GCFC2: variants seen among roughly 807,000 people sequenced by gnomAD.
GCFC2 encodes the protein GC-rich sequence DNA-binding factor 2.
Under a neutral mutation model 99.4 loss-of-function variants are expected in GCFC2, and 102 were observed. That is an observed-to-expected ratio of 1.03 (90% confidence interval 0.87 to 1.21). GCFC2 has a LOEUF of 1.21. Among genes scored for constraint, GCFC2 ranks in the 50% most tolerant of loss-of-function variants. The probability of loss-of-function intolerance (pLI) is 0.00; values close to 1 mark genes in which losing one functional copy is unlikely to be tolerated. For synonymous variants in GCFC2, 338 were observed against 316.8 expected (o/e 1.07, Z -0.71); for missense variants, 973 against 920.9 (o/e 1.06, Z -0.73).
At chr2:75,673,895 A>G (rs988876896) in intron 12 of GCFC2, among the ~76,000 whole-genome samples, 1 of 152,240 alleles carries the variant, frequency 6.6e-6, no homozygotes, top group Admixed American at 6.5e-5. Context: ...GTTCATGTCC[A>G]TACGTTCAAC....
At chr2:75,689,900 A>T (rs1259231864) in intron 9 of GCFC2, 69 bp downstream of exon 9, 5 of 799,694 alleles carry the variant, frequency 6.3e-6, no homozygotes, top group Non-Finnish European at 1.1e-5. Context: ...TATTAAGGGC[A>T]ATCCCAGCAA....
intron 1 of GCFC2, among the ~76,000 whole-genome samples, chr2:75,709,046 T>C (rs1160217132): frequency 6.6e-6 from 1 of 152,212 alleles, no homozygotes; most frequent in Non-Finnish European, 1.5e-5. Flanking sequence ...ATTAAAGAGA[T>C]CTGTAAATTG....
rs750038027 is a variant in GCFC2 at position 75,673,559 on chromosome 2, T to C, written c.1813-39A>G. 1.6e-5 allele frequency: 14 copies of C among 854,130 alleles called. No individual in the cohort carries two copies. The African/African-American group carries it at 2.0e-4, about 12-fold the overall frequency. The allele number at this position is 854,130 out of a possible 1,614,324, so 52.9% of individuals were successfully genotyped here. On this transcript the variant is annotated intron_variant, in intron 12 of 16. Transcript: ENST00000321027. ...TTTGAAAAGCATCAGTGATAGAAGA[T>C]AGAAATGTATTTACCAAAAAAAAAG...
intron 4 of GCFC2, 110 bp from the exon 5 acceptor site, chr2:75,696,425 T>C: frequency 2.1e-6 from 1 of 473,820 alleles, no homozygotes; most frequent in Non-Finnish European, 3.9e-6. Flanking sequence ...AGCTAAAAAA[T>C]TCCATGTCTT....
Position 75,690,897 on chromosome 2 carries a change from T to C in GCFC2, c.1145-178A>G, listed in dbSNP as rs938016659. On this transcript the variant is annotated intron_variant, in intron 7 of 16. Transcript: ENST00000321027. Reference sequence around the variant, plus strand: ...TTTCAATGTTAACTCTTTATTGCAATATTAACAGGCATGAGGTTCATTAGC... The same window carrying C: ...TTTCAATGTTAACTCTTTATTGCAACATTAACAGGCATGAGGTTCATTAGC... 2.7e-4 allele frequency: 134 copies of C among 492,470 alleles called. 1 individual carries two copies. The East Asian group carries it at 4.8e-3, about 18-fold the overall frequency. 30.5% of individuals were successfully genotyped at this position (492,470 alleles called of 1,614,324 possible). A position where few individuals can be genotyped will look rare whatever the true frequency, so the allele number is the denominator to read the frequency against.
At chr2:75,709,863 T>C (rs1022706064) in intron 1 of GCFC2, among the ~76,000 whole-genome samples, 2 of 152,192 alleles carry the variant, frequency 1.3e-5, no homozygotes, top group African/African-American at 4.8e-5. Flanking sequence ...TAAAAAATAA[T>C]AGGAAGATTT....
At chr2:75,709,324 A>G (rs187485017) in intron 1 of GCFC2, among the ~76,000 whole-genome samples, 42 of 152,334 alleles carry the variant, frequency 2.8e-4, no homozygotes, top group African/African-American at 7.9e-4. Context: ...TTTCATCTAC[A>G]AAGTTTAACC....
intron 12 of GCFC2, chr2:75,679,861 A>T (rs977741917): frequency 4.9e-6 from 2 of 406,586 alleles, no homozygotes; most frequent in Non-Finnish European, 8.6e-6. Flanking sequence ...AAGTAAGCTA[A>T]TAGGAATGAA....
At chr2:75,707,526 CAAA>C (rs925907512) in intron 1 of GCFC2, among the ~76,000 whole-genome samples, 5 of 150,654 alleles carry the variant, frequency 3.3e-5, no homozygotes, top group Non-Finnish European at 5.9e-5. Flanking sequence ...ACATACAGTT[CAAA>C]AAAGGCTGGA....
At chr2:75,706,746 G>C in intron 1 of GCFC2, 95 bp from the exon 2 acceptor site, 1 of 742,188 alleles carries the variant, frequency 1.3e-6, no homozygotes, top group East Asian at 2.6e-5. Context: ...GTATAATACG[G>C]TGTTTTAATC....
At chr2:75,685,686 C>T (rs73936789) in intron 11 of GCFC2, among the ~76,000 whole-genome samples, 1,592 of 152,102 alleles carry the variant, frequency 0.01, 18 homozygotes, top group African/African-American at 0.031. Flanking sequence ...CAATTTTATA[C>T]ATTAAATGCC....
intron 4 of GCFC2, among the ~76,000 whole-genome samples, chr2:75,699,892 C>T (rs927693824): frequency 1.3e-5 from 2 of 149,640 alleles, no homozygotes; most frequent in African/African-American, 2.5e-5. Flanking sequence ...TGGGCTTTAA[C>T]GTTGTTTTTT....
chr2:75,670,125 C>T lies in GCFC2; in HGVS notation c.2103+13G>A. On this transcript the variant is annotated intron_variant, in intron 15 of 16. Transcript: ENST00000321027. ...AATGATAAAATTAGAATCAGTCTTC[C>T]TTCACAACTTACCTGGTTGCACTTT... 6.4e-7 allele frequency: 1 copy of T among 1,555,432 alleles called. No individual in the cohort carries two copies. The highest frequency in any genetic ancestry group is 8.8e-7 in the Non-Finnish European group (1 of 1,136,010).
In GCFC2 at chr2:75,702,409, CATCTGGG is replaced by C. The variant is rs1558752660; in HGVS notation, c.402_408del (p.Ile134MetfsTer35). The C allele has an allele frequency of 1.2e-6, 2 of 1,613,088 alleles. No individual in the cohort carries two copies. The highest frequency in any genetic ancestry group is 3.3e-5 in the Admixed American group (2 of 59,964). On this transcript the variant is annotated frameshift_variant, in exon 3 of 17. Transcript: ENST00000321027. LOFTEE classifies it high-confidence loss of function. ...CTGCGGGCTGCCTGAATAAAAGCTG[CATCTGGG>C]ATCTTAACTGAAGGAAACAAAGACG... is the stretch of plus-strand genomic sequence containing the variant.
At chr2:75,707,540 G>A (rs141829734) in intron 1 of GCFC2, among the ~76,000 whole-genome samples, 3 of 144,658 alleles carry the variant, frequency 2.1e-5, no homozygotes, top group African/African-American at 7.7e-5. Flanking sequence ...AAAGGCTGGA[G>A]TAAAATCAAA....
chr2:75,710,751 A>C lies in GCFC2; in HGVS notation c.105T>G (p.Leu35=), dbSNP rs1221416129. 7 of 1,566,104 alleles carry C rather than the reference A, an allele frequency of 4.5e-6. No homozygotes were observed. Among genetic ancestry groups the C allele is most frequent in the Non-Finnish European group, 3.4e-6 (4 of 1,160,196 alleles). The change falls in exon 1 of 17, where the codon CTT becomes CTG. Residue 35 remains leucine (L), a synonymous_variant. Coordinates refer to ENST00000321027, the MANE Select transcript of GCFC2 (RefSeq NM_003203.5). The stretch of plus-strand genomic sequence containing the variant: ...CTTCCTCCGCAGAACCCGGGACCGG[A>C]AGTTCCCTCGGCGCCCCAGGCTCAG... ...SPAEPGAPRE[L]PVPGSAEEEP... is the part of the protein sequence containing the mutation.
chr2:75,687,868 A>T lies in GCFC2; in HGVS notation c.1649T>A (p.Leu550Ter), dbSNP rs1437235460. The change falls in exon 11 of 17, where the codon TTG becomes TAG. Residue 550 changes from leucine to a stop codon, truncating the protein, a stop_gained. Coordinates refer to ENST00000321027, the MANE Select transcript of GCFC2 (RefSeq NM_003203.5). LOFTEE classifies it high-confidence loss of function. ...KKESSSDKKVLSAIINKTIIP... is the reference protein window; with the variant it reads ...KKESSSDKKV Reference sequence around the variant, plus strand: ...AATTGTTTTGTTGATGATTGCAGACAAGACTTTTTTATCTGAACTACTTTC... The same window carrying T: ...AATTGTTTTGTTGATGATTGCAGACTAGACTTTTTTATCTGAACTACTTTC... 1 of 1,606,646 alleles carries T rather than the reference A, an allele frequency of 6.2e-7. No homozygotes were observed. The highest frequency in any genetic ancestry group is 1.3e-5 in the African/African-American group (1 of 74,464).
chr2:75,670,756 G>A (rs114886849), intron 14 of GCFC2: 2,010 of 153,336 alleles, frequency 0.013, 47 homozygotes, highest in African/African-American at 0.046. Context: ...CTTGGATTAA[G>A]TAACCATAAT....
chr2:75,693,709 T>G (rs1404352322), intron 6 of GCFC2, among the ~76,000 whole-genome samples: 2 of 152,026 alleles, frequency 1.3e-5, no homozygotes, highest in East Asian at 3.9e-4. Context: ...CTATAAAGAA[T>G]TGTTCATACT....
Sources: gnomAD v4.1 joint callset for allele counts (sites outside exome capture counted in the v4.1 genomes callset) on GRCh38, gnomAD v4.1.1 for gene constraint, MANE v1.5 for transcripts, NCBI Gene and HGNC (gene_info 2026-07-23, HGNC 2026-07-21) for gene names.